The following MAMLD1 variants were observed in gnomAD, a reference collection of about 807,000 sequenced individuals.
The protein encoded by MAMLD1 is mastermind like domain containing 1, also known as mastermind-like domain-containing protein 1.
In MAMLD1, 14 loss-of-function variants were observed where a neutral mutation model predicts 45.0. The ratio of observed to expected loss-of-function variants is 0.31; its 90% CI spans 0.21 to 0.49. The LOEUF is 0.49. MAMLD1 is among the 20% of genes least tolerant of loss of function. MAMLD1 has a pLI of 0.99. For missense variants in MAMLD1, 543 were observed against 603.6 expected (o/e 0.90, Z 1.05); for synonymous variants, 254 against 247.8 (o/e 1.02, Z -0.24).
At chrX:150,509,807 C>A in intron 6 of MAMLD1, 155 bp from the exon 7 acceptor site, 1 of 488,368 alleles carries the variant, frequency 2.0e-6, no homozygotes, top group Admixed American at 3.0e-5. Flanking sequence ...GAATTTTGCT[C>A]GAGAGGGTGG....
At chrX:150,448,197 G>C (rs1367874875) in intron 2 of MAMLD1, among the ~76,000 whole-genome samples, 1 of 111,600 alleles carries the variant, frequency 9.0e-6, no homozygotes, top group Admixed American at 9.5e-5. Context: ...TCTATCCTTT[G>C]CCCTCCCTGA....
At chrX:150,391,616 T>G (rs2033183141) in intron 1 of MAMLD1, among the ~76,000 whole-genome samples, 1 of 111,726 alleles carries the variant, frequency 9.0e-6, no homozygotes, top group Non-Finnish European at 1.9e-5. Context: ...GTTTGAAGTG[T>G]ATTTGTGATT....
chrX:150,440,977 A>G (rs1167435366), intron 1 of MAMLD1, among the ~76,000 whole-genome samples: 8 of 105,102 alleles, frequency 7.6e-5, no homozygotes, highest in Admixed American at 2.2e-4. Context: ...TATTAAATAT[A>G]AAATAATATA....
chrX:150,384,175 T>C (rs2032804153), intron 1 of MAMLD1, among the ~76,000 whole-genome samples: 1 of 112,098 alleles, frequency 8.9e-6, no homozygotes, highest in Admixed American at 9.4e-5. Context: ...TGTTTAGCAT[T>C]TTGAGGAACT....
Position 150,470,044 on chromosome X carries a change from G to T in MAMLD1, c.471G>T (p.Gly157=). 1 of 1,211,263 alleles carries T rather than the reference G, an allele frequency of 8.3e-7. No homozygotes were observed. The highest frequency in any genetic ancestry group is 3.0e-5 in the East Asian group (1 of 33,835). The change falls in exon 4 of 8, where the codon GGG becomes GGT. Residue 157 remains glycine (G), a synonymous_variant. Coordinates refer to ENST00000370401, the MANE Select transcript of MAMLD1 (RefSeq NM_005491.5). The stretch of plus-strand genomic sequence containing the variant: ...AGACTACAGAAGTGGGACTGAAAGG[G>T]CCCACTGTTCCTTACTATGAGAAAA... ...VPQTTEVGLK[G]PTVPYYEKIN...
rs1221742768 is a variant in MAMLD1, at chrX:150,398,252, G to GAGAAGAAGAAGA, written c.-64+34801_-64+34812dup. On this transcript the variant is annotated intron_variant, in intron 1 of 7. Coordinates refer to ENST00000370401, the MANE Select transcript of MAMLD1 (RefSeq NM_005491.5). Reference sequence around the variant, plus strand: ...GGAGAAGAAGGAGAAGGAGGAGAAGGAGAAGAAGAAGAAGAAGAAGAAGAA... The same window carrying GAGAAGAAGAAGA: ...GGAGAAGAAGGAGAAGGAGGAGAAGGAGAAGAAGAAGAAGAAGAAGAAGAAGAAGAAGAAGAA... Among the ~76,000 whole-genome samples, 54 of 40,757 alleles carry GAGAAGAAGAAGA rather than the reference G, an allele frequency of 1.3e-3. 1 individual carries two copies. The highest frequency in any genetic ancestry group is 3.9e-3 in the South Asian group (2 of 513). The allele number at this position is 40,757 out of a possible 115,157, so 35.4% of individuals were successfully genotyped here.
chrX:150,433,388 G>GAT (rs1467256803), intron 1 of MAMLD1, among the ~76,000 whole-genome samples: 3 of 111,676 alleles, frequency 2.7e-5, no homozygotes, highest in African/African-American at 9.8e-5. Context: ...TCCCTATTTG[G>GAT]ATGCCCTTTA....
chrX:150,509,061 C>T (rs2037824541), intron 6 of MAMLD1, among the ~76,000 whole-genome samples: 1 of 111,566 alleles, frequency 9.0e-6, no homozygotes, highest in South Asian at 3.8e-4. Flanking sequence ...CTCCTTGAGC[C>T]GATCCCAGAC....
chrX:150,394,795 T>C (rs2033350944), intron 1 of MAMLD1, among the ~76,000 whole-genome samples: 2 of 112,014 alleles, frequency 1.8e-5, no homozygotes, highest in Admixed American at 1.9e-4. Context: ...AACCTTGCTA[T>C]AATGACTTAT....
At chrX:150,373,178 C>T (rs781946659) in intron 1 of MAMLD1, among the ~76,000 whole-genome samples, 2 of 111,686 alleles carry the variant, frequency 1.8e-5, no homozygotes, top group Admixed American at 9.4e-5. Context: ...CTGGGCGTCC[C>T]GCACCAGCAA....
At chrX:150,483,521 C>CT (rs1488089815) in intron 5 of MAMLD1, among the ~76,000 whole-genome samples, 16 of 112,708 alleles carry the variant, frequency 1.4e-4, no homozygotes, top group African/African-American at 5.2e-4. Context: ...GATAGACACT[C>CT]TCAGTCTTCA....
chrX:150,417,161 T>TC (rs2034279539), intron 1 of MAMLD1, among the ~76,000 whole-genome samples: 2 of 105,388 alleles, frequency 1.9e-5, no homozygotes, highest in African/African-American at 3.4e-5. Flanking sequence ...CCCTCCCCCC[T>TC]ACCCCACCCC....
intron 1 of MAMLD1, among the ~76,000 whole-genome samples, chrX:150,378,541 G>A (rs1557401528): frequency 9.0e-6 from 1 of 111,616 alleles, no homozygotes; most frequent in African/African-American, 3.3e-5. Flanking sequence ...ATTTATTGAT[G>A]GTCTGTGCCT....
chrX:150,488,172 G>T (rs781937890), intron 5 of MAMLD1, among the ~76,000 whole-genome samples: 7 of 112,358 alleles, frequency 6.2e-5, no homozygotes, highest in South Asian at 7.4e-4. Flanking sequence ...AGTGCCCAAG[G>T]TATCTCTCTA....
chrX:150,448,736 C>G (rs1557404912), intron 2 of MAMLD1, among the ~76,000 whole-genome samples: 1 of 111,667 alleles, frequency 9.0e-6, no homozygotes, highest in Non-Finnish European at 1.9e-5. Context: ...CGATTCTTTC[C>G]CTAGATCCCT....
Position 150,471,147 on chromosome X carries a change from G to A in MAMLD1, c.1574G>A (p.Gly525Glu). 8.3e-7 allele frequency: 1 copy of A among 1,211,215 alleles called. No individual in the cohort carries two copies. The highest frequency in any genetic ancestry group is 1.1e-6 in the Non-Finnish European group (1 of 895,385). ...SKTLSMIMQQ[G>E]MASSSPGATE... Reference sequence around the variant, plus strand: ...ACCCTGAGCATGATCATGCAGCAGGGGATGGCAAGCTCCAGCCCAGGAGCC... The same window carrying A: ...ACCCTGAGCATGATCATGCAGCAGGAGATGGCAAGCTCCAGCCCAGGAGCC... The change falls in exon 4 of 8, where the codon GGG becomes GAG. Residue 525 changes from glycine (G) to glutamate (E), a missense_variant. Coordinates refer to ENST00000370401, the MANE Select transcript of MAMLD1 (RefSeq NM_005491.5).
Position 150,471,452 on chromosome X carries a change from T to C in MAMLD1, c.1879T>C (p.Ser627Pro), listed in dbSNP as rs1557406558. ...MMQQPQRFQR[S>P]VASDSMPALP... is the part of the protein sequence containing the mutation. ...GCAGCAACCCCAGCGTTTTCAGCGATCAGTGGCCTCAGATTCCATGCCTGC... is the reference window on the plus strand; with the variant it reads ...GCAGCAACCCCAGCGTTTTCAGCGACCAGTGGCCTCAGATTCCATGCCTGC... Residue 627 changes from serine to proline, a missense_variant, in exon 4 of 8, where the codon TCA becomes CCA. By Grantham distance (74) the Ser-to-Pro change is moderately conservative. Transcript: ENST00000370401. 6.6e-6 allele frequency: 8 copies of C among 1,210,889 alleles called. No individual in the cohort carries two copies. The highest frequency in any genetic ancestry group is 2.3e-4 in the Middle Eastern group (1 of 4,353).
At chrX:150,378,493 A>G (rs1557401526) in intron 1 of MAMLD1, among the ~76,000 whole-genome samples, 8 of 111,856 alleles carry the variant, frequency 7.2e-5, no homozygotes, top group Non-Finnish European at 1.5e-4. Context: ...GGCTGTTAGT[A>G]TCCTAGTACA....
chrX:150,446,288 A>G (rs1204832929), intron 2 of MAMLD1, among the ~76,000 whole-genome samples: 1 of 112,200 alleles, frequency 8.9e-6, no homozygotes, highest in Non-Finnish European at 1.9e-5. Flanking sequence ...AATAGCTGTT[A>G]TCTCAGGGTA....
Sources: allele counts gnomAD v4.1 joint callset (sites outside exome capture counted in the v4.1 genomes callset), GRCh38; gene constraint gnomAD v4.1.1; transcripts MANE v1.5; gene names NCBI Gene and HGNC (gene_info 2026-07-23, HGNC 2026-07-21).